The following LINC02747 variants were observed in gnomAD, a reference collection of about 807,000 sequenced individuals.
LINC02747 encodes long independently transcribed non-coding RNA 2747.
At chr11:69,480,324 C>A (rs1050688877) in intron 1 of LINC02747, among the ~76,000 whole-genome samples, 4 of 152,212 alleles carry the variant, frequency 2.6e-5, no homozygotes, top group Non-Finnish European at 4.4e-5. Context: ...GTCAGCTTCC[C>A]AGGGAGAGTT....
chr11:69,479,494 G>A (rs1052786606), intron 1 of LINC02747, among the ~76,000 whole-genome samples: 2 of 152,148 alleles, frequency 1.3e-5, no homozygotes. Flanking sequence ...AAAACGCCCT[G>A]TTGTGCACAT....
At chr11:69,481,043 G>A (rs910755941) in intron 1 of LINC02747, among the ~76,000 whole-genome samples, 3 of 152,206 alleles carry the variant, frequency 2.0e-5, no homozygotes, top group African/African-American at 7.2e-5. Flanking sequence ...ATGGGGCTGA[G>A]GTGGGGCTGT....
chr11:69,480,545 T>C (rs577833951), intron 1 of LINC02747, among the ~76,000 whole-genome samples: 31 of 152,316 alleles, frequency 2.0e-4, no homozygotes, highest in African/African-American at 7.5e-4. Context: ...TCTGAGAGCT[T>C]CCCTTCACCT....
intron 1 of LINC02747, among the ~76,000 whole-genome samples, chr11:69,479,521 G>T (rs1360282022): frequency 6.6e-6 from 1 of 152,196 alleles, no homozygotes; most frequent in South Asian, 2.1e-4. Context: ...TGAGAGAAGG[G>T]TGCTGCAGGT....
intron 1 of LINC02747, among the ~76,000 whole-genome samples, chr11:69,477,773 C>A (rs574361261): frequency 6.6e-5 from 10 of 152,262 alleles, no homozygotes; most frequent in Non-Finnish European, 1.3e-4. Flanking sequence ...GCTGCCACAG[C>A]CTGGGATAGG....
intron 1 of LINC02747, among the ~76,000 whole-genome samples, chr11:69,480,701 G>A (rs1271720194): frequency 1.3e-5 from 2 of 152,212 alleles, no homozygotes; most frequent in Admixed American, 6.5e-5. Context: ...AAAGTGTTCA[G>A]GTCACCACAG....
intron 1 of LINC02747, among the ~76,000 whole-genome samples, chr11:69,480,731 C>T (rs1490287421): frequency 6.6e-6 from 1 of 152,230 alleles, no homozygotes; most frequent in Non-Finnish European, 1.5e-5. Context: ...TGGCACTGAG[C>T]CGGCACTGGG....
chr11:69,476,239 C>T (rs957655171), exon 2 of LINC02747: 2 of 152,238 alleles, frequency 1.3e-5, no homozygotes, highest in African/African-American at 4.8e-5. Context: ...GTTTCCACGA[C>T]TTCACGCCGG....
At chr11:69,478,469 C>T (rs1054695489) in intron 1 of LINC02747, among the ~76,000 whole-genome samples, 2 of 152,218 alleles carry the variant, frequency 1.3e-5, no homozygotes, top group African/African-American at 4.8e-5. Flanking sequence ...CTCACTCACA[C>T]CTCTGCTCAG....
chr11:69,478,071 C>T lies in LINC02747; in HGVS notation n.121-458G>A, dbSNP rs114580170. 3.6e-3 allele frequency among the ~76,000 whole-genome samples: 542 copies of T among 152,236 alleles called. 4 individuals are homozygous for T. Among genetic ancestry groups the T allele is most frequent in the African/African-American group, 0.012 (495 of 41,530 alleles). The stretch of plus-strand genomic sequence containing the variant: ...GGTGCAAGTTCTTTCTCCGTGGGTC[C>T]GAGAGGGGCTGCTAACAAATGAATA... On this transcript the variant is annotated intron_variant and non_coding_transcript_variant, in intron 1 of 1. Transcript: ENST00000645449.
intron 1 of LINC02747, among the ~76,000 whole-genome samples, chr11:69,479,292 G>T (rs955785659): frequency 5.3e-5 from 8 of 149,952 alleles, no homozygotes; most frequent in Non-Finnish European, 1.2e-4. Context: ...GAGAGAGAGA[G>T]GAGAGAGAGA....
intron 1 of LINC02747, chr11:69,479,814 T>A (rs539416620): frequency 6.6e-6 from 1 of 152,508 alleles, no homozygotes; most frequent in Non-Finnish European, 1.5e-5. Flanking sequence ...GGGGGCCTGC[T>A]CAGAAGGCAG....
Position 69,477,841 on chromosome 11 carries a change from G to A in LINC02747, n.121-228C>T, listed in dbSNP as rs560670536. On this transcript the variant is annotated intron_variant and non_coding_transcript_variant, in intron 1 of 1. Transcript: ENST00000645449. Reference sequence around the variant, plus strand: ...GATGTGGGAACAGCAGGGCAGCTACGAGATTCGTGGAGCCCTGTGCAAGAC... The same window carrying A: ...GATGTGGGAACAGCAGGGCAGCTACAAGATTCGTGGAGCCCTGTGCAAGAC... 5.3e-5 allele frequency among the ~76,000 whole-genome samples: 8 copies of A among 152,286 alleles called. No individual in the cohort carries two copies. In the East Asian group the frequency reaches 5.8e-4, roughly 11 times the overall value.
At chr11:69,477,454 T>C (rs1857006441) in exon 2 of LINC02747, 1 of 152,262 alleles carries the variant, frequency 6.6e-6, no homozygotes, top group South Asian at 2.1e-4. Context: ...CACCACACTT[T>C]ACAGTTTATC....
exon 2 of LINC02747, chr11:69,475,921 A>T (rs1856988880): frequency 6.6e-6 from 1 of 152,254 alleles, no homozygotes; most frequent in Non-Finnish European, 1.5e-5. Flanking sequence ...ATTCAGACTC[A>T]AGCCCTTGCC....
intron 1 of LINC02747, among the ~76,000 whole-genome samples, chr11:69,480,474 G>C (rs1323740533): frequency 1.3e-5 from 2 of 152,202 alleles, no homozygotes; most frequent in Admixed American, 1.3e-4. Flanking sequence ...CTCAGACAGG[G>C]CTGGAGGGCT....
At chr11:69,479,124 G>A (rs1047686627) in intron 1 of LINC02747, among the ~76,000 whole-genome samples, 6 of 150,992 alleles carry the variant, frequency 4.0e-5, no homozygotes, top group East Asian at 3.9e-4. Context: ...GCATAATGGC[G>A]GGCACCTGCA....
chr11:69,479,254 CA>C (rs34812492), intron 1 of LINC02747, among the ~76,000 whole-genome samples: 11,467 of 47,800 alleles, frequency 0.24, 195 homozygotes, highest in African/African-American at 0.33. Context: ...GACTCTGTCT[CA>C]AAAAAAAAAA....
At chr11:69,476,301 C>T (rs943868439) in exon 2 of LINC02747, 3 of 152,252 alleles carry the variant, frequency 2.0e-5, no homozygotes, top group African/African-American at 7.2e-5. Context: ...TCCTGGCAGT[C>T]CCTGGAGCCA....
Sources: gnomAD v4.1 joint callset for allele counts (sites outside exome capture counted in the v4.1 genomes callset) on GRCh38, gnomAD v4.1.1 for gene constraint, MANE v1.5 for transcripts, NCBI Gene and HGNC (gene_info 2026-07-23, HGNC 2026-07-21) for gene names.